The following ACER3 variants were observed in gnomAD, a reference collection of about 807,000 sequenced individuals.
ACER3 encodes alkaline ceramidase 3, also known as alkCDase 3.
A neutral mutation model predicts 48.9 loss-of-function variants in ACER3; 16 were observed. That is an observed-to-expected ratio of 0.33 (90% CI 0.22 to 0.50). The LOEUF is 0.50. Ranked by LOEUF, ACER3 falls within the 20% of genes least tolerant of loss-of-function variation. The probability of loss-of-function intolerance (pLI) is 0.98; values close to 1 mark genes in which losing one functional copy is unlikely to be tolerated. For missense variants in ACER3, 227 were observed against 326.0 expected (o/e 0.70, Z 2.34); for synonymous variants, 109 against 107.8 (o/e 1.01, Z -0.07).
chr11:76,908,302 A>G (rs769338264), intron 1 of ACER3, among the ~76,000 whole-genome samples: 1 of 152,250 alleles, frequency 6.6e-6, no homozygotes, highest in Non-Finnish European at 1.5e-5. Flanking sequence ...TTATATTTAG[A>G]AAACATATGA....
chr11:76,903,421 T>C (rs1025815), intron 1 of ACER3, among the ~76,000 whole-genome samples: 85,888 of 145,910 alleles, frequency 0.59, 27,825 homozygotes, highest in Non-Finnish European at 0.74. Context: ...TGCCTTCAAC[T>C]AAATGAATGG....
At chr11:76,992,835 C>T (rs562661953) in intron 6 of ACER3, among the ~76,000 whole-genome samples, 1 of 151,720 alleles carries the variant, frequency 6.6e-6, no homozygotes, top group East Asian at 1.9e-4. Flanking sequence ...TAGTTAACCT[C>T]TCTGAGCTGG....
chr11:76,941,191 C>G (rs1447678325), intron 2 of ACER3, among the ~76,000 whole-genome samples: 2 of 151,984 alleles, frequency 1.3e-5, no homozygotes, highest in Admixed American at 6.6e-5. Context: ...TGACAAAACC[C>G]CATAACAACT....
intron 1 of ACER3, among the ~76,000 whole-genome samples, chr11:76,917,028 C>T (rs568164581): frequency 3.7e-4 from 56 of 152,206 alleles, no homozygotes; most frequent in African/African-American, 1.3e-3. Context: ...AGCTCTTTAC[C>T]ACTGTGTACT....
chr11:76,967,107 C>A (rs1477600644), intron 3 of ACER3, among the ~76,000 whole-genome samples: 2 of 151,782 alleles, frequency 1.3e-5, no homozygotes, highest in East Asian at 1.9e-4. Flanking sequence ...TAGACACAAT[C>A]AAAAATGATA....
intron 2 of ACER3, among the ~76,000 whole-genome samples, chr11:76,927,567 G>A (rs774743416): frequency 1.8e-4 from 27 of 151,850 alleles, no homozygotes; most frequent in Non-Finnish European, 3.1e-4. Flanking sequence ...CCATTAACTC[G>A]TCATTTACAT....
chr11:76,934,312 G>A (rs1012369102), intron 2 of ACER3, among the ~76,000 whole-genome samples: 17 of 152,264 alleles, frequency 1.1e-4, no homozygotes, highest in South Asian at 2.1e-4. Context: ...CTGCAATCTC[G>A]GCACTTTGGG....
intron 1 of ACER3, among the ~76,000 whole-genome samples, chr11:76,901,135 A>C (rs769787271): frequency 6.6e-6 from 1 of 152,076 alleles, no homozygotes; most frequent in Admixed American, 6.6e-5. Context: ...TTGTGTTTAC[A>C]TGAGCCTTAA....
chr11:76,990,672 T>G, intron 6 of ACER3, 98 bp downstream of exon 6: 1 of 811,624 alleles, frequency 1.2e-6, no homozygotes. Context: ...AAAAATTTTT[T>G]TAATGAAATG....
intron 2 of ACER3, among the ~76,000 whole-genome samples, chr11:76,942,030 T>TAAG (rs1291991576): frequency 1.3e-5 from 2 of 152,158 alleles, no homozygotes; most frequent in African/African-American, 4.8e-5. Context: ...TCCTGAAACT[T>TAAG]TACTGAATTC....
Position 76,866,018 on chromosome 11 carries a change from G to T in ACER3, c.103+4939G>T, listed in dbSNP as rs1945081182. On this transcript the variant is annotated intron_variant, in intron 1 of 10. Transcript: ENST00000532485. Reference sequence around the variant, plus strand: ...TTTTTTTTTTTTTGGTAGAGATGGGGTTTCACCATGTTGGCCAGGATGGTC... The same window carrying T: ...TTTTTTTTTTTTTGGTAGAGATGGGTTTTCACCATGTTGGCCAGGATGGTC... Among the ~76,000 whole-genome samples, 3 of 150,130 alleles carry T rather than the reference G, an allele frequency of 2.0e-5. No homozygotes were observed. The South Asian group carries it at 6.3e-4, about 32-fold the overall frequency.
intron 2 of ACER3, among the ~76,000 whole-genome samples, chr11:76,935,047 C>T (rs1947137257): frequency 6.6e-6 from 1 of 152,046 alleles, no homozygotes; most frequent in Non-Finnish European, 1.5e-5. Flanking sequence ...CAATTCCTCT[C>T]CTCAAAAAAG....
chr11:76,969,580 T>C (rs984309927), intron 3 of ACER3, among the ~76,000 whole-genome samples: 5 of 151,458 alleles, frequency 3.3e-5, no homozygotes, highest in Non-Finnish European at 7.4e-5. Context: ...ATTAAGAAAA[T>C]ATGGCACATA....
At chr11:76,947,905 A>G (rs1947518177) in intron 2 of ACER3, among the ~76,000 whole-genome samples, 1 of 152,194 alleles carries the variant, frequency 6.6e-6, no homozygotes, top group Non-Finnish European at 1.5e-5. Flanking sequence ...CCAATCAGAG[A>G]TGCAGAACCA....
rs753848905 is a variant in ACER3, at chr11:76,860,955, G to GGGC, written c.-5_-3dup. On this transcript the variant is annotated 5_prime_UTR_variant, in exon 1 of 11. Transcript: ENST00000532485. ...ACCCGGCACAGTGAGCGGAGCGCCT[G>GGGC]GGCGGCGGCGGCGGCGGCGTGATGG... 1.2e-4 allele frequency: 184 copies of GGGC among 1,509,302 alleles called. 1 individual carries two copies. The highest frequency in any genetic ancestry group is 2.4e-4 in the Admixed American group (12 of 49,836). The allele number at this position is 1,509,302 out of a possible 1,614,324, so 93.5% of individuals were successfully genotyped here.
intron 6 of ACER3, among the ~76,000 whole-genome samples, chr11:76,993,621 A>G (rs1948847831): frequency 6.6e-6 from 1 of 152,216 alleles, no homozygotes; most frequent in Admixed American, 6.5e-5. Flanking sequence ...TATTCCATCT[A>G]TAGAGAAGCA....
chr11:76,891,246 TA>T (rs1225157205), intron 1 of ACER3, among the ~76,000 whole-genome samples: 1 of 32,834 alleles, frequency 3.0e-5, no homozygotes. Flanking sequence ...TTTATATATA[TA>T]ATATATATAT....
At chr11:76,901,091 C>T (rs1028497190) in intron 1 of ACER3, among the ~76,000 whole-genome samples, 2 of 152,146 alleles carry the variant, frequency 1.3e-5, no homozygotes, top group Non-Finnish European at 2.9e-5. Flanking sequence ...ATGGGCCTCT[C>T]TTTCATAGCG....
intron 3 of ACER3, among the ~76,000 whole-genome samples, chr11:76,969,933 C>T (rs1352596429): frequency 6.8e-6 from 1 of 146,876 alleles, no homozygotes; most frequent in Non-Finnish European, 1.5e-5. Flanking sequence ...TACCCTAAAA[C>T]TTAAAGTATA....
Sources: allele counts gnomAD v4.1 joint callset (sites outside exome capture counted in the v4.1 genomes callset), GRCh38; gene constraint gnomAD v4.1.1; transcripts MANE v1.5; gene names NCBI Gene and HGNC (gene_info 2026-07-23, HGNC 2026-07-21).